The following CNTN5 variants were observed in gnomAD, a reference collection of about 807,000 sequenced individuals.
The protein encoded by CNTN5 is contactin-5.
A neutral mutation model predicts 129.1 loss-of-function variants in CNTN5; 77 were observed. The ratio of observed to expected loss-of-function variants is 0.60; its 90% confidence interval spans 0.50 to 0.72. The LOEUF (loss-of-function observed/expected upper bound fraction) is 0.72, where lower values mean the gene tolerates loss of function less well. Ranked by LOEUF, CNTN5 falls within the 30% of genes least tolerant of loss-of-function variation. The probability of loss-of-function intolerance (pLI) is 0.00; values close to 1 mark genes in which losing one functional copy is unlikely to be tolerated. For missense variants in CNTN5, 1,478 were observed against 1,328.8 expected, an observed-to-expected ratio of 1.11 and a Z score of -1.75; for synonymous variants, 509 against 465.6, an observed-to-expected ratio of 1.09 and a Z score of -1.20.
intron 18 of CNTN5, among the ~76,000 whole-genome samples, chr11:100,291,701 T>G (rs1239676061): frequency 6.6e-6 from 1 of 150,656 alleles, no homozygotes; most frequent in East Asian, 2.0e-4. Flanking sequence ...TGTATACATA[T>G]GTAACTAACC....
At chr11:99,846,680 C>T (rs1194656917) in intron 6 of CNTN5, among the ~76,000 whole-genome samples, 1 of 151,886 alleles carries the variant, frequency 6.6e-6, no homozygotes, top group African/African-American at 2.4e-5. Flanking sequence ...ATTGATATTT[C>T]TCTATGTAAT....
intron 2 of CNTN5, among the ~76,000 whole-genome samples, chr11:99,488,163 T>C (rs1031100873): frequency 2.8e-5 from 4 of 143,740 alleles, no homozygotes; most frequent in East Asian, 2.0e-4. Context: ...CAAGAAGTTT[T>C]TTTTTTTTTT....
intron 6 of CNTN5, among the ~76,000 whole-genome samples, chr11:99,887,540 TCA>T (rs751166825): frequency 2.6e-5 from 4 of 152,072 alleles, no homozygotes; most frequent in African/African-American, 4.8e-5. Flanking sequence ...GAGTATTGAC[TCA>T]CACAATCACA....
intron 3 of CNTN5, among the ~76,000 whole-genome samples, chr11:99,804,514 C>A (rs1145387): frequency 0.75 from 113,386 of 150,974 alleles, 43,057 homozygotes; most frequent in East Asian, 0.96. Flanking sequence ...GTCTACAATA[C>A]GGTATAATTT....
intron 2 of CNTN5, among the ~76,000 whole-genome samples, chr11:99,431,605 C>A (rs996939313): frequency 3.9e-5 from 6 of 152,140 alleles, no homozygotes; most frequent in African/African-American, 1.4e-4. Context: ...GTACTAAGAA[C>A]CAATAGGAGT....
chr11:100,198,506 A>ATGTTT, intron 15 of CNTN5, among the ~76,000 whole-genome samples: 2 of 152,022 alleles, frequency 1.3e-5, no homozygotes, highest in Non-Finnish European at 2.9e-5. Context: ...CCTGACCTAG[A>ATGTTT]CCTCAGTGAG....
chr11:99,776,993 A>G (rs1467734309), intron 3 of CNTN5, among the ~76,000 whole-genome samples: 12 of 151,922 alleles, frequency 7.9e-5, no homozygotes, highest in Non-Finnish European at 2.9e-5. Flanking sequence ...TTTCATTTCT[A>G]ACCAAAATGT....
intron 17 of CNTN5, 35 bp downstream of exon 17, chr11:100,255,953 G>A: frequency 6.3e-7 from 1 of 1,595,006 alleles, no homozygotes. Context: ...GATATAACCA[G>A]AGTGGCCTTC....
rs1948656333 is a variant in CNTN5, at chr11:99,556,163, AAC to A, written c.-49_-48del. The A allele has an allele frequency of 9.3e-7, 1 of 1,080,570 alleles. No homozygotes were observed. The highest frequency in any genetic ancestry group is 1.6e-5 in the African/African-American group (1 of 61,858). The allele number at this position is 1,080,570 out of a possible 1,614,324, so 66.9% of individuals were successfully genotyped here. On this transcript the variant is annotated 5_prime_UTR_variant, in exon 3 of 25. An upstream open reading frame in the 5' UTR loses its in-frame stop. Transcript: ENST00000524871. The stretch of plus-strand genomic sequence containing the variant: ...CAAACAGGGCACTCTTTAATGAAGA[AAC>A]ACCAGAGCTGTTAAACACATTGAGA...
intron 2 of CNTN5, among the ~76,000 whole-genome samples, chr11:99,408,665 A>G (rs1400629698): frequency 3.3e-5 from 5 of 152,138 alleles, no homozygotes; most frequent in Non-Finnish European, 7.3e-5. Flanking sequence ...GTAAATATTT[A>G]GAAAACATTA....
intron 2 of CNTN5, among the ~76,000 whole-genome samples, chr11:99,451,320 C>T (rs1247267934): frequency 6.6e-6 from 1 of 152,080 alleles, no homozygotes; most frequent in Non-Finnish European, 1.5e-5. Context: ...TTACATTATA[C>T]AAAAGTTATG....
At chr11:100,032,877 A>G (rs17094170) in intron 9 of CNTN5, among the ~76,000 whole-genome samples, 24,339 of 152,148 alleles carry the variant, frequency 0.16, 1,937 homozygotes, top group Non-Finnish European at 0.16. Context: ...AGATTTTGGT[A>G]GATTTCCAGC....
intron 2 of CNTN5, among the ~76,000 whole-genome samples, chr11:99,325,693 C>A (rs777223841): frequency 2.0e-4 from 30 of 152,106 alleles, no homozygotes; most frequent in Non-Finnish European, 4.0e-4. Context: ...AAATATTCTG[C>A]AAATATTATT....
chr11:99,880,172 A>G (rs1221609591), intron 6 of CNTN5, among the ~76,000 whole-genome samples: 1 of 152,242 alleles, frequency 6.6e-6, no homozygotes, highest in African/African-American at 2.4e-5. Context: ...CAATGAGGCA[A>G]TTGAAAACAT....
rs759322436 is a variant in CNTN5 at position 99,819,625 on chromosome 11, T to A, written c.137T>A (p.Phe46Tyr). ...AAGAAGAGTTCATCTTCATCTCTCTTTGGTTCCAAAACCAGACCACGATAC... is the reference window on the plus strand; with the variant it reads ...AAGAAGAGTTCATCTTCATCTCTCTATGGTTCCAAAACCAGACCACGATAC... ...RIKKSSSSSL[F>Y]GSKTRPRYSS... Residue 46 changes from phenylalanine (F) to tyrosine (Y), a missense_variant, in exon 4 of 25, where the codon TTT becomes TAT. Phe to Tyr is a conservative substitution (Grantham distance 22, BLOSUM62 3). Coordinates refer to ENST00000524871, the MANE Select transcript of CNTN5 (RefSeq NM_014361.4). The A allele has an allele frequency of 8.1e-6, 13 of 1,613,068 alleles. No homozygotes were observed. The highest frequency in any genetic ancestry group is 1.1e-5 in the Non-Finnish European group (13 of 1,179,830).
intron 21 of CNTN5, among the ~76,000 whole-genome samples, chr11:100,332,824 A>G (rs1591521311): frequency 6.6e-6 from 1 of 152,192 alleles, no homozygotes; most frequent in Non-Finnish European, 1.5e-5. Flanking sequence ...TCTATGACAA[A>G]CCCACAGCCA....
chr11:99,099,739 G>A (rs1866634779), intron 1 of CNTN5, among the ~76,000 whole-genome samples: 1 of 152,072 alleles, frequency 6.6e-6, no homozygotes, highest in Admixed American at 6.6e-5. Flanking sequence ...GGGATAATAA[G>A]CCTTTCCTAA....
chr11:99,159,013 G>T (rs565379532), intron 1 of CNTN5, among the ~76,000 whole-genome samples: 6 of 152,210 alleles, frequency 3.9e-5, no homozygotes, highest in Admixed American at 2.6e-4. Context: ...TTAAGAATCT[G>T]TTATGCAAGA....
At chr11:99,652,485 G>C (rs922490408) in intron 3 of CNTN5, among the ~76,000 whole-genome samples, 2 of 152,024 alleles carry the variant, frequency 1.3e-5, no homozygotes, top group African/African-American at 4.8e-5. Context: ...TATAAGAGCT[G>C]TGTCCACCGG....
Sources: gnomAD v4.1 joint callset for allele counts (sites outside exome capture counted in the v4.1 genomes callset) on GRCh38, gnomAD v4.1.1 for gene constraint, MANE v1.5 for transcripts, NCBI Gene and HGNC (gene_info 2026-07-23, HGNC 2026-07-21) for gene names.